IL1RAPL1: variants seen among roughly 807,000 people sequenced by gnomAD.
IL1RAPL1 encodes interleukin-1 receptor accessory protein-like 1.
IL1RAPL1 carries 3 observed loss-of-function variants against 48.4 expected under a neutral mutation model. The ratio of observed to expected loss-of-function variants is 0.06; its 90% CI spans 0.03 to 0.16. The LOEUF is 0.16. Among genes scored for constraint, IL1RAPL1 ranks in the 10% least tolerant of loss-of-function variants. IL1RAPL1 has a pLI of 1.00. For missense variants in IL1RAPL1, 349 were observed against 530.6 expected (o/e 0.66, Z 3.36); for synonymous variants, 185 against 187.7 (o/e 0.99, Z 0.12).
intron 6 of IL1RAPL1, among the ~76,000 whole-genome samples, chrX:29,707,716 G>A (rs10482296): frequency 0.25 from 27,640 of 110,490 alleles, 4,114 homozygotes; most frequent in African/African-American, 0.56. Context: ...GTTCTCATTC[G>A]TATGTGGGAA....
At chrX:29,868,366 T>A (rs745692576) in intron 6 of IL1RAPL1, among the ~76,000 whole-genome samples, 1 of 112,585 alleles carries the variant, frequency 8.9e-6, no homozygotes, top group South Asian at 3.6e-4. Context: ...CAAATGCTAA[T>A]GCTAATTTTA....
intron 6 of IL1RAPL1, among the ~76,000 whole-genome samples, chrX:29,784,378 C>T (rs1436778502): frequency 9.0e-6 from 1 of 111,133 alleles, no homozygotes. Flanking sequence ...CACTATACCT[C>T]CCATTAGGTG....
At chrX:29,694,792 C>G (rs1406184527) in intron 6 of IL1RAPL1, among the ~76,000 whole-genome samples, 1 of 111,624 alleles carries the variant, frequency 9.0e-6, no homozygotes, top group East Asian at 2.8e-4. Context: ...CCTCCTAATG[C>G]CATTAGCTTT....
intron 3 of IL1RAPL1, among the ~76,000 whole-genome samples, chrX:29,387,984 C>T (rs1336485716): frequency 9.6e-6 from 1 of 104,262 alleles, no homozygotes; most frequent in Non-Finnish European, 2.0e-5. Flanking sequence ...AAGAGCAAGA[C>T]TCTGTCTGAA....
Position 29,915,122 on chromosome X carries a change from C to A in IL1RAPL1, c.779-2342C>A, listed in dbSNP as rs781450262. Among the ~76,000 whole-genome samples the A allele has an allele frequency of 2.7e-5, 3 of 111,795 alleles. No individual in the cohort carries two copies. In the South Asian group the frequency reaches 1.1e-3, roughly 42 times the overall value. On this transcript the variant is annotated intron_variant, in intron 6 of 10. Transcript: ENST00000378993. ...CGGCCTGGCCAACATGGTGAAACCCCGTCTCTACTAAAAACACAAAAATAA... is the reference window on the plus strand; with the variant it reads ...CGGCCTGGCCAACATGGTGAAACCCAGTCTCTACTAAAAACACAAAAATAA...
chrX:29,387,824 C>G lies in IL1RAPL1; in HGVS notation c.363-8434C>G, dbSNP rs765546827. On this transcript the variant is annotated intron_variant, in intron 3 of 10. Coordinates refer to ENST00000378993, the MANE Select transcript of IL1RAPL1 (RefSeq NM_014271.4). ...CCTGGCCAACAGGGTGAAACCCCGC[C>G]TCTACTAAATATACAAAAACCAGCC... Among the ~76,000 whole-genome samples the G allele has an allele frequency of 8.2e-5, 9 of 109,894 alleles. No individual in the cohort carries two copies. In the Admixed American group the frequency reaches 8.8e-4, roughly 11 times the overall value.
chrX:29,214,677 G>A (rs776260465), intron 2 of IL1RAPL1, among the ~76,000 whole-genome samples: 3 of 110,795 alleles, frequency 2.7e-5, no homozygotes, highest in East Asian at 2.8e-4. Flanking sequence ...ACAGTATAAC[G>A]AAAACATAAA....
intron 6 of IL1RAPL1, among the ~76,000 whole-genome samples, chrX:29,806,507 G>T (rs1188522870): frequency 9.0e-6 from 1 of 110,703 alleles, no homozygotes; most frequent in Non-Finnish European, 1.9e-5. Context: ...CAAAGAATAT[G>T]ATTATAATTT....
At chrX:28,916,513 T>G (rs181395937) in intron 2 of IL1RAPL1, among the ~76,000 whole-genome samples, 73 of 112,476 alleles carry the variant, frequency 6.5e-4, no homozygotes, top group Middle Eastern at 9.2e-3. Flanking sequence ...TGTCAAGCCC[T>G]AACAGTTTAT....
chrX:29,341,426 T>A (rs2147645698), intron 3 of IL1RAPL1, among the ~76,000 whole-genome samples: 1 of 112,020 alleles, frequency 8.9e-6, no homozygotes, highest in South Asian at 3.7e-4. Flanking sequence ...AAAAATATAA[T>A]CTTTATAGAA....
chrX:28,617,069 A>C (rs1488392869), intron 1 of IL1RAPL1, among the ~76,000 whole-genome samples: 1 of 112,580 alleles, frequency 8.9e-6, no homozygotes, highest in African/African-American at 3.2e-5. Flanking sequence ...ACTTTCAATA[A>C]TGTTTTAAAT....
At chrX:29,763,187 G>A (rs923432189) in intron 6 of IL1RAPL1, among the ~76,000 whole-genome samples, 3 of 110,199 alleles carry the variant, frequency 2.7e-5, no homozygotes, top group African/African-American at 9.9e-5. Flanking sequence ...GCTCTTGTGC[G>A]ATAGTATCAA....
chrX:28,777,653 A>G (rs979938355), intron 1 of IL1RAPL1, among the ~76,000 whole-genome samples: 1 of 111,430 alleles, frequency 9.0e-6, no homozygotes, highest in African/African-American at 3.3e-5. Flanking sequence ...ATAAAAGGTA[A>G]CTAGTTTTTC....
At chrX:29,398,618 A>G (rs1205070288) in intron 4 of IL1RAPL1, among the ~76,000 whole-genome samples, 1 of 112,343 alleles carries the variant, frequency 8.9e-6, no homozygotes, top group African/African-American at 3.2e-5. Context: ...TTTTTACTAA[A>G]TGCAAAACTA....
chrX:29,402,785 A>AT (rs139591089), intron 5 of IL1RAPL1, among the ~76,000 whole-genome samples: 43,435 of 106,452 alleles, frequency 0.41, 7,047 homozygotes, highest in Middle Eastern at 0.54. Flanking sequence ...ACTGTTTTAC[A>AT]TTTTTTTTTA....
intron 2 of IL1RAPL1, among the ~76,000 whole-genome samples, chrX:28,964,373 T>G (rs6630796): frequency 0.015 from 1,704 of 112,044 alleles, 39 homozygotes; most frequent in African/African-American, 0.053. Flanking sequence ...TTTATTTCCC[T>G]TTATTTGCTG....
chrX:29,294,028 G>T (rs1932410119), intron 3 of IL1RAPL1, among the ~76,000 whole-genome samples: 1 of 107,502 alleles, frequency 9.3e-6, no homozygotes, highest in Admixed American at 1.0e-4. Flanking sequence ...TTTGTGTGTG[G>T]TCCTAAAGTA....
intron 5 of IL1RAPL1, among the ~76,000 whole-genome samples, chrX:29,587,098 T>G (rs1217899422): frequency 1.8e-5 from 2 of 111,108 alleles, no homozygotes; most frequent in East Asian, 5.6e-4. Context: ...AATTCACAGG[T>G]CTTATGCAAA....
At position 29,850,511 on chromosome X, in the gene IL1RAPL1, C is replaced by T. The variant is rs12390634; in HGVS notation, c.779-66953C>T. Among the ~76,000 whole-genome samples the T allele has an allele frequency of 5.4e-3, 605 of 112,419 alleles. 4 individuals carry two copies. The highest frequency in any genetic ancestry group is 0.019 in the African/African-American group (577 of 30,972). On this transcript the variant is annotated intron_variant, in intron 6 of 10. Coordinates refer to ENST00000378993, the MANE Select transcript of IL1RAPL1 (RefSeq NM_014271.4). ...TTCCAAAGAGCAAGAACATGTGATT[C>T]CCGGATGAAAAGCCTCATGGTTCAC...
Sources: allele counts gnomAD v4.1 joint callset (sites outside exome capture counted in the v4.1 genomes callset), GRCh38; gene constraint gnomAD v4.1.1; transcripts MANE v1.5; gene names NCBI Gene and HGNC (gene_info 2026-07-23, HGNC 2026-07-21).